IKZF4: variants seen among roughly 807,000 people sequenced by gnomAD.
IKZF4 encodes IKAROS family zinc finger 4, also known as zinc finger protein Eos.
A neutral mutation model predicts 47.7 loss-of-function variants in IKZF4; 11 were observed. That is an observed-to-expected ratio of 0.23 (90% confidence interval 0.15 to 0.38). The LOEUF is 0.38. IKZF4 is among the 10% of genes least tolerant of loss of function. The pLI, the probability that IKZF4 is intolerant of heterozygous loss-of-function variation, is 1.00. For missense variants in IKZF4, 557 were observed against 784.9 expected (o/e 0.71, Z 3.47); for synonymous variants, 298 against 299.4 (o/e 1.00, Z 0.05).
At chr12:56,029,670 A>G (rs1272324107) in intron 5 of IKZF4, 4 of 152,220 alleles carry the variant, frequency 2.6e-5, no homozygotes, top group Admixed American at 6.5e-5. Context: ...CATGCTTTAT[A>G]TCTACAGAGC....
intron 2 of IKZF4, among the ~76,000 whole-genome samples, chr12:56,012,738 C>T (rs569626879): frequency 6.6e-6 from 1 of 152,250 alleles, no homozygotes; most frequent in Non-Finnish European, 1.5e-5. Flanking sequence ...AGAAAGGATG[C>T]CCATTCCTGT....
rs1191298135 is a variant in IKZF4, at chr12:56,037,518, T to C, written c.*2187T>C. The C allele has an allele frequency of 6.6e-6, 1 of 152,252 alleles. No homozygotes were observed. Among genetic ancestry groups the C allele is most frequent in the African/African-American group, 2.4e-5 (1 of 41,444 alleles). The allele number at this position is 152,252 out of a possible 1,614,324, so 9.4% of individuals were successfully genotyped here. On this transcript the variant is annotated 3_prime_UTR_variant, in exon 8 of 8. Coordinates refer to ENST00000547167, the MANE Select transcript of IKZF4 (RefSeq NM_022465.4). Reference sequence around the variant, plus strand: ...CACCTCTTCTGTGTCTGCTGTGTATTTGGTGACACTTCATAAGGACTAGTC... The same window carrying C: ...CACCTCTTCTGTGTCTGCTGTGTATCTGGTGACACTTCATAAGGACTAGTC...
chr12:56,014,776 T>A lies in IKZF4; in HGVS notation c.-214+3282T>A, dbSNP rs182490277. Among the ~76,000 whole-genome samples, 74 of 150,786 alleles carry A rather than the reference T, an allele frequency of 4.9e-4. 2 individuals are homozygous for A. The East Asian group carries it at 8.2e-3, about 17-fold the overall frequency. On this transcript the variant is annotated intron_variant, in intron 2 of 11. Transcript: ENST00000262032. The stretch of plus-strand genomic sequence containing the variant: ...GCCTGGGCAACACAGCGAGACTCCG[T>A]CTCAAAAAAAAAAACAAAAACAAAA...
In IKZF4 at chr12:56,021,105, C is replaced by A; in HGVS notation, c.-389C>A. The A allele has an allele frequency of 7.3e-7, 1 of 1,361,394 alleles. No individual in the cohort carries two copies. The highest frequency in any genetic ancestry group is 9.5e-7 in the Non-Finnish European group (1 of 1,057,362). 84.3% of individuals were successfully genotyped at this position (1,361,394 alleles called of 1,614,324 possible). A position where few individuals can be genotyped will look rare whatever the true frequency, so the allele number is the denominator to read the frequency against. On this transcript the variant is annotated 5_prime_UTR_variant, in exon 1 of 8. Coordinates refer to ENST00000547167, the MANE Select transcript of IKZF4 (RefSeq NM_022465.4). ...CTCTTTGTCTGCTGGGCACGAGGGG[C>A]AACAGCATCTGCCTTTCCCTCCCTG...
At chr12:56,009,418 C>G (rs1891088604) in intron 1 of IKZF4, among the ~76,000 whole-genome samples, 1 of 152,210 alleles carries the variant, frequency 6.6e-6, no homozygotes, top group African/African-American at 2.4e-5. Flanking sequence ...TAATCCCTCA[C>G]CTCCCCATGG....
At chr12:56,019,421 A>C (rs771094284), upstream of IKZF4, 11 of 967,752 alleles carry the variant, frequency 1.1e-5, no homozygotes, top group Non-Finnish European at 1.4e-5. Flanking sequence ...GTAAGGTAAG[A>C]TGTTGACTCT....
Position 56,035,690 on chromosome 12 carries a change from T to G in IKZF4, c.*359T>G. 5.3e-6 allele frequency: 1 copy of G among 188,694 alleles called. No homozygotes were observed. Among genetic ancestry groups the G allele is most frequent in the South Asian group, 1.2e-4 (1 of 8,148 alleles). 11.7% of individuals were successfully genotyped at this position (188,694 alleles called of 1,614,324 possible). ...ACTCCTTTCCACTTTAGGCCAATTT[T>G]TCTCTCTTAGATCTTCCAGCAGCCC... is the stretch of plus-strand genomic sequence containing the variant. On this transcript the variant is annotated 3_prime_UTR_variant, in exon 8 of 8. Transcript: ENST00000547167. This position sits in a 1 kb window ranked among gnomAD's most constrained non-coding sequence, Gnocchi z 6.1.
Position 56,021,196 on chromosome 12 carries a change from C to T in IKZF4, c.-298C>T. 1 of 1,408,822 alleles carries T rather than the reference C, an allele frequency of 7.1e-7. No individual in the cohort carries two copies. The highest frequency in any genetic ancestry group is 9.2e-7 in the Non-Finnish European group (1 of 1,082,870). The allele number at this position is 1,408,822 out of a possible 1,614,324, so 87.3% of individuals were successfully genotyped here. On this transcript the variant is annotated 5_prime_UTR_variant, in exon 1 of 8. Coordinates refer to ENST00000547167, the MANE Select transcript of IKZF4 (RefSeq NM_022465.4). ...AGGGATGCTGTAGCCTAGCATCTCCCCCACTATATACACATATACATTCTC... is the reference window on the plus strand; with the variant it reads ...AGGGATGCTGTAGCCTAGCATCTCCTCCACTATATACACATATACATTCTC...
Position 56,032,707 on chromosome 12 carries a change from C to A in IKZF4, c.862C>A (p.Pro288Thr), listed in dbSNP as rs1483027415. The change falls in exon 6 of 8, where the codon CCA (proline) becomes ACA (threonine). Residue 288 changes from proline (P) to threonine (T), a missense_variant. By Grantham distance (38) the Pro-to-Thr change is conservative. Around this residue, in one of 6 missense-constraint regions of IKZF4, gnomAD observed 72 missense variants for 112.4 expected, o/e 0.64. Coordinates refer to ENST00000547167, the MANE Select transcript of IKZF4 (RefSeq NM_022465.4). Reference protein sequence around the residue: ...STEAQALAGQPGDEIRDLEMV... With the variant: ...STEAQALAGQTGDEIRDLEMV... ...TGAAGCCCAAGCTTTGGCTGGCCAA[C>A]CAGGTAGGGCTATTGATGTACTACT... is the stretch of plus-strand genomic sequence containing the variant. 1.2e-6 allele frequency: 2 copies of A among 1,613,852 alleles called. No individual in the cohort carries two copies. The highest frequency in any genetic ancestry group is 2.7e-5 in the African/African-American group (2 of 74,926).
At position 56,032,520 on chromosome 12, in the gene IKZF4, G is replaced by A. The variant is rs200322886; in HGVS notation, c.716-41G>A. 428 of 1,570,524 alleles carry A rather than the reference G, an allele frequency of 2.7e-4. 1 individual carries two copies. The Middle Eastern group carries it at 3.7e-3, about 14-fold the overall frequency. ...TGAATCTGCAGAGCCAGGGCACAGC[G>A]AGAAATAGCTCTGATGCCATCTTTC... On this transcript the variant is annotated intron_variant, in intron 5 of 7. Transcript: ENST00000547167.
chr12:56,015,437 A>C, intron 2 of IKZF4, among the ~76,000 whole-genome samples: 1 of 148,868 alleles, frequency 6.7e-6, no homozygotes, highest in African/African-American at 2.5e-5. Flanking sequence ...CCCTTTGTTG[A>C]CCTGGCTGGA....
At chr12:56,027,971 A>AG (rs1894285626) in intron 5 of IKZF4, 24 bp downstream of exon 5, 1 of 1,529,184 alleles carries the variant, frequency 6.5e-7, no homozygotes, top group South Asian at 1.3e-5. Context: ...CAGTGGGAGG[A>AG]GGGAATGAGG....
At chr12:56,030,261 C>A (rs772918) in intron 5 of IKZF4, among the ~76,000 whole-genome samples, 150,363 of 150,922 alleles carry the variant, frequency 1, 74,903 homozygotes, top group Middle Eastern at 1. Flanking sequence ...ACTACAAAAA[C>A]AAAAACAAAA....
At chr12:56,008,348 G>A (rs1157124923) in intron 1 of IKZF4, among the ~76,000 whole-genome samples, 1 of 152,114 alleles carries the variant, frequency 6.6e-6, no homozygotes, top group Non-Finnish European at 1.5e-5. Flanking sequence ...AAATGCAACA[G>A]AGGAATCCCC....
At chr12:56,023,645 G>A (rs1565820226) in intron 1 of IKZF4, 26 bp from the exon 2 acceptor site, 1 of 1,612,316 alleles carries the variant, frequency 6.2e-7, no homozygotes. Flanking sequence ...AGTCCTGAGT[G>A]GTTGTTTTCT....
In IKZF4 at chr12:56,026,818, G is replaced by A. The variant is rs367923937; in HGVS notation, c.324G>A (p.Glu108=). The change falls in exon 4 of 8, where the codon GAG becomes GAA. Residue 108 remains glutamate (E), a synonymous_variant. Coordinates refer to ENST00000547167, the MANE Select transcript of IKZF4 (RefSeq NM_022465.4). ...AGGTGGAGATGTACAGCGATGAGGA[G>A]TCAAGCAGACTGCTGGGGCCAGATG... ...SIKVEMYSDE[E]SSRLLGPDER... The A allele has an allele frequency of 1.2e-6, 2 of 1,607,482 alleles. No individual in the cohort carries two copies. Among genetic ancestry groups the A allele is most frequent in the African/African-American group, 2.7e-5 (2 of 74,910 alleles).
rs771841373 is a variant in IKZF4, at chr12:56,034,872, C to G, written c.1299C>G (p.Pro433=). 3.7e-5 allele frequency: 60 copies of G among 1,610,984 alleles called. No homozygotes were observed. Among genetic ancestry groups the G allele is most frequent in the South Asian group, 6.6e-5 (6 of 90,828 alleles). The part of the protein sequence containing the change: ...EGPEDLADGG[P]LLYRPRGPLT... ...CTGAGGACCTGGCTGATGGAGGTCC[C>G]CTCCTCTACCGGCCCCGAGGCCCCC... Residue 433 remains proline, a synonymous_variant, in exon 8 of 8, where the codon CCC becomes CCG. Transcript: ENST00000547167.
chr12:56,030,356 G>A (rs1278158498), intron 5 of IKZF4, among the ~76,000 whole-genome samples: 1 of 151,996 alleles, frequency 6.6e-6, no homozygotes, highest in Non-Finnish European at 1.5e-5. Context: ...ACTTGAACCT[G>A]GGAGGTCAAG....
At chr12:56,033,973 C>T (rs1211326993) in intron 7 of IKZF4, among the ~76,000 whole-genome samples, 1 of 152,102 alleles carries the variant, frequency 6.6e-6, no homozygotes, top group Admixed American at 6.5e-5. Flanking sequence ...GATCTCGGCT[C>T]ACTGCAACCT....
Sources: gnomAD v4.1 joint callset for allele counts (sites outside exome capture counted in the v4.1 genomes callset) on GRCh38, gnomAD v4.1.1 for gene constraint, gnomAD v4.1.1 regional missense constraint, Gnocchi (gnomAD v3.1) non-coding constraint, MANE v1.5 for transcripts, NCBI Gene and HGNC (gene_info 2026-07-23, HGNC 2026-07-21) for gene names.